Variants in EPB41L3 observed in about 807,000 individuals in gnomAD.
The protein encoded by EPB41L3 is erythrocyte membrane protein band 4.1 like 3.
In EPB41L3, 57 loss-of-function variants were observed where a neutral mutation model predicts 127.1. The ratio of observed to expected loss-of-function variants is 0.45; its 90% CI spans 0.36 to 0.56. EPB41L3 has a LOEUF of 0.56. Among genes scored for constraint, EPB41L3 ranks in the 20% least tolerant of loss-of-function variants. The pLI, the probability that EPB41L3 is intolerant of heterozygous loss-of-function variation, is 0.00. For missense variants in EPB41L3, 1,273 were observed against 1,372.2 expected, an observed-to-expected ratio of 0.93 and a Z score of 1.14; for synonymous variants, 572 against 549.5, an observed-to-expected ratio of 1.04 and a Z score of -0.57.
chr18:5,492,725 C>G (rs2090740944), intron 1 of EPB41L3, among the ~76,000 whole-genome samples: 1 of 152,106 alleles, frequency 6.6e-6, no homozygotes, highest in East Asian at 1.9e-4. Flanking sequence ...CTAAATTTAC[C>G]TTAAAATTGT....
intron 3 of EPB41L3, among the ~76,000 whole-genome samples, chr18:5,564,520 T>C (rs2094173291): frequency 1.3e-5 from 2 of 152,116 alleles, no homozygotes; most frequent in South Asian, 4.2e-4. Flanking sequence ...AGGTTGGGAT[T>C]ATGGAGCCGA....
chr18:5,398,097 A>G lies in EPB41L3; in HGVS notation c.2396T>C (p.Phe799Ser), dbSNP rs749681778. 10 of 1,613,992 alleles carry G rather than the reference A, an allele frequency of 6.2e-6. No homozygotes were observed. The African/African-American group carries it at 1.3e-4, about 22-fold the overall frequency. ...GEKLMDGSEI[F>S]SLLESARKPT... ...TTTTCGCGCAGACTCTAATAAACTGAAGATTTCAGAGCCATCCATGAGCTT... is the reference window on the plus strand; with the variant it reads ...TTTTCGCGCAGACTCTAATAAACTGGAGATTTCAGAGCCATCCATGAGCTT... The change falls in exon 17 of 23, where the codon TTC (phenylalanine) becomes TCC (serine). Residue 799 changes from phenylalanine (F) to serine (S), a missense_variant. This residue lies in a region of EPB41L3 where 765 missense variants were observed against 782.9 expected (regional missense o/e 0.98). Transcript: ENST00000341928.
intron 5 of EPB41L3, among the ~76,000 whole-genome samples, chr18:5,439,697 C>CA (rs1391086642): frequency 6.6e-6 from 1 of 152,138 alleles, no homozygotes; most frequent in Non-Finnish European, 1.5e-5. Flanking sequence ...CCACTGTTCT[C>CA]AAAAAAGTAC....
intron 3 of EPB41L3, among the ~76,000 whole-genome samples, chr18:5,605,404 A>G (rs769467411): frequency 4.6e-5 from 7 of 151,944 alleles, no homozygotes; most frequent in Non-Finnish European, 8.8e-5. Flanking sequence ...TATTTTTTTT[A>G]GATGGAGTCT....
chr18:5,467,854 T>C lies in EPB41L3; in HGVS notation c.381+10387A>G, dbSNP rs79213550. 2.0e-4 allele frequency among the ~76,000 whole-genome samples: 30 copies of C among 152,322 alleles called. No individual in the cohort carries two copies. In the East Asian group the frequency reaches 4.3e-3, roughly 22 times the overall value. On this transcript the variant is annotated intron_variant, in intron 3 of 22. Coordinates refer to ENST00000341928, the MANE Select transcript of EPB41L3 (RefSeq NM_012307.5). The stretch of plus-strand genomic sequence containing the variant: ...GTAGCAGGGGAGGCGCGGCCAAGAC[T>C]GCACGCTCCACAGAGCCGGCAGGAG...
rs527559508 is a variant in EPB41L3 at position 5,523,536 on chromosome 18, C to G, written c.-12+20377G>C. Among the ~76,000 whole-genome samples the G allele has an allele frequency of 6.2e-4, 95 of 152,318 alleles. 1 individual carries two copies. Among genetic ancestry groups the G allele is most frequent in the Middle Eastern group, 3.4e-3 (1 of 294 alleles). On this transcript the variant is annotated intron_variant, in intron 1 of 22. Coordinates refer to ENST00000341928, the MANE Select transcript of EPB41L3 (RefSeq NM_012307.5). ...TCTATTGGTCTGGTATGGTGGCTCA[C>G]GCCTGTTATCCCAGGACTTTGGGAA...
upstream of EPB41L3, among the ~76,000 whole-genome samples, chr18:5,546,428 G>A (rs1044022916): frequency 1.3e-5 from 2 of 152,036 alleles, no homozygotes; most frequent in Admixed American, 6.5e-5. Flanking sequence ...CTACTCAGGA[G>A]GCTGAGGCAG....
intron 13 of EPB41L3, among the ~76,000 whole-genome samples, chr18:5,412,030 T>A (rs1249553068): frequency 6.6e-6 from 1 of 152,162 alleles, no homozygotes; most frequent in Admixed American, 6.5e-5. Context: ...GAGGTGGCTG[T>A]TAATTTTCAT....
intron 3 of EPB41L3, among the ~76,000 whole-genome samples, chr18:5,473,112 A>G (rs527632358): frequency 1.1e-3 from 162 of 152,182 alleles, no homozygotes; most frequent in African/African-American, 3.7e-3. Context: ...TTATGGCTGC[A>G]TTTAAATTGC....
At chr18:5,453,847 A>G (rs976885571) in intron 3 of EPB41L3, among the ~76,000 whole-genome samples, 1 of 152,220 alleles carries the variant, frequency 6.6e-6, no homozygotes, top group African/African-American at 2.4e-5. Flanking sequence ...GAATTTCAAG[A>G]AAGAATTTCT....
At position 5,561,035 on chromosome 18, in the gene EPB41L3, T is replaced by C. The variant is rs919998817; in HGVS notation, c.-306+51305A>G. On this transcript the variant is annotated intron_variant, in intron 3 of 21. Transcript: ENST00000545076. ...CTCTGTCGCCCAGGCTGGAGTGCAG[T>C]GGCGCGATCGCGGCTCACTGCAAGC... is the stretch of plus-strand genomic sequence containing the variant. 6.5e-5 allele frequency among the ~76,000 whole-genome samples: 9 copies of C among 139,292 alleles called. 1 individual carries two copies. The highest frequency in any genetic ancestry group is 4.3e-4 in the East Asian group (2 of 4,678). The allele number at this position is 139,292 out of a possible 152,430, so 91.4% of individuals were successfully genotyped here. A position where few individuals can be genotyped will look rare whatever the true frequency, so the allele number is the denominator to read the frequency against.
intron 1 of EPB41L3, among the ~76,000 whole-genome samples, chr18:5,541,465 C>T (rs2093728880): frequency 6.6e-6 from 1 of 151,734 alleles, no homozygotes. Flanking sequence ...CAGCAAGTTC[C>T]TGCCACACTT....
At chr18:5,580,220 G>A (rs1408911054) in intron 3 of EPB41L3, among the ~76,000 whole-genome samples, 3 of 152,050 alleles carry the variant, frequency 2.0e-5, no homozygotes, top group Non-Finnish European at 4.4e-5. Flanking sequence ...AAATGGGGTA[G>A]ATACACTCAT....
At chr18:5,402,702 G>A (rs562163935) in intron 16 of EPB41L3, among the ~76,000 whole-genome samples, 1 of 152,242 alleles carries the variant, frequency 6.6e-6, no homozygotes, top group South Asian at 2.1e-4. Flanking sequence ...ACTTTTATCA[G>A]GGGTTAGGAT....
At chr18:5,619,362 GT>G (rs747366672) in intron 1 of EPB41L3, among the ~76,000 whole-genome samples, 21 of 152,014 alleles carry the variant, frequency 1.4e-4, no homozygotes, top group South Asian at 4.2e-4. Flanking sequence ...TCTTTTTTAT[GT>G]TTTTTTTCTA....
At chr18:5,455,978 G>A (rs1007610333) in intron 3 of EPB41L3, among the ~76,000 whole-genome samples, 1 of 152,012 alleles carries the variant, frequency 6.6e-6, no homozygotes, top group Non-Finnish European at 1.5e-5. Context: ...TCTGAATGAC[G>A]TGAAACTTTG....
rs1393627913 is a variant in EPB41L3, at chr18:5,407,681, T to C, written c.2157+20A>G. On this transcript the variant is annotated intron_variant, in intron 15 of 22. Coordinates refer to ENST00000341928, the MANE Select transcript of EPB41L3 (RefSeq NM_012307.5). ...GTTGTTTTGTTGTTGTTGTTGTTTGTTTTATTTTTAATTTTCTACCTGTGC... is the reference window on the plus strand; with the variant it reads ...GTTGTTTTGTTGTTGTTGTTGTTTGCTTTATTTTTAATTTTCTACCTGTGC... The C allele has an allele frequency of 3.7e-6, 6 of 1,613,244 alleles. No homozygotes were observed. The highest frequency in any genetic ancestry group is 4.2e-6 in the Non-Finnish European group (5 of 1,179,416).
Position 5,397,857 on chromosome 18 carries a change from G to A in EPB41L3, c.2472+164C>T, listed in dbSNP as rs2073837627. 1.3e-5 allele frequency among the ~76,000 whole-genome samples: 2 copies of A among 152,172 alleles called. No homozygotes were observed. Among genetic ancestry groups the A allele is most frequent in the African/African-American group, 4.8e-5 (2 of 41,418 alleles). On this transcript the variant is annotated intron_variant, in intron 17 of 22. Transcript: ENST00000341928. This position sits in a 1 kb window ranked among gnomAD's most constrained non-coding sequence, Gnocchi z 4.1. Reference sequence around the variant, plus strand: ...ATTCTTGAGATGCAACTAAAGGCATGTGACAGATATGCCAAGCAGACACAA... The same window carrying A: ...ATTCTTGAGATGCAACTAAAGGCATATGACAGATATGCCAAGCAGACACAA...
intron 3 of EPB41L3, among the ~76,000 whole-genome samples, chr18:5,560,943 ATTTATTTATTTAT>A (rs1175659395): frequency 2.0e-3 from 1 of 492 alleles, no homozygotes; most frequent in Non-Finnish European, 5.8e-3. Flanking sequence ...AGTTGTAATT[ATTTATTTATTTAT>A]TTATTTATTT....
Sources: allele counts gnomAD v4.1 joint callset (sites outside exome capture counted in the v4.1 genomes callset), GRCh38; gene constraint gnomAD v4.1.1; regional missense constraint gnomAD v4.1.1; non-coding constraint Gnocchi (gnomAD v3.1); transcripts MANE v1.5; gene names NCBI Gene and HGNC (gene_info 2026-07-23, HGNC 2026-07-21).